The following AGTPBP1 variants were observed in gnomAD, a reference collection of about 807,000 sequenced individuals.
The protein encoded by AGTPBP1 is ATP/GTP binding carboxypeptidase 1, also known as cytosolic carboxypeptidase 1.
In AGTPBP1, 70 loss-of-function variants were observed where a neutral mutation model predicts 143.9. That is an observed-to-expected ratio of 0.49 (90% CI 0.40 to 0.59). The LOEUF (loss-of-function observed/expected upper bound fraction) is 0.59, where lower values mean the gene tolerates loss of function less well. Among genes scored for constraint, AGTPBP1 ranks in the 20% least tolerant of loss-of-function variants. AGTPBP1 has a pLI of 0.00. For synonymous variants in AGTPBP1, 463 were observed against 500.2 expected (o/e 0.93, Z 0.99); for missense variants, 1,229 against 1,464.5 (o/e 0.84, Z 2.62).
intron 3 of AGTPBP1, 80 bp downstream of exon 3, chr9:85,692,609 T>G (rs1835953076): frequency 6.5e-7 from 1 of 1,530,264 alleles, no homozygotes; most frequent in African/African-American, 1.4e-5. Context: ...CATCCATTAT[T>G]AGAAGTTTGA....
At chr9:85,748,890 T>C in the AGTPBP1 span, among the ~76,000 whole-genome samples, 3 of 151,982 alleles carry the variant, frequency 2.0e-5, no homozygotes, top group African/African-American at 7.3e-5. Context: ...TAGCACTCTT[T>C]AAATCCATGC....
Position 85,632,646 on chromosome 9 carries a change from G to A in AGTPBP1, c.2015+16C>T. 6.4e-7 allele frequency: 1 copy of A among 1,553,810 alleles called. No individual in the cohort carries two copies. The highest frequency in any genetic ancestry group is 8.7e-7 in the Non-Finnish European group (1 of 1,150,284). On this transcript the variant is annotated intron_variant, in intron 14 of 25. Coordinates refer to ENST00000357081, the MANE Select transcript of AGTPBP1 (RefSeq NM_001330701.2). ...CAATAGCCTTATTTAGAAGAGGGAA[G>A]AAATATGCAACTCACCTTTGTACAC...
intron 11 of AGTPBP1, among the ~76,000 whole-genome samples, chr9:85,650,042 CTT>C (rs35903806): frequency 0.023 from 2,467 of 109,142 alleles, 21 homozygotes; most frequent in Middle Eastern, 0.098. Flanking sequence ...CTAAACTTTC[CTT>C]TTTTTTTTTT....
intron 11 of AGTPBP1, among the ~76,000 whole-genome samples, chr9:85,647,211 A>C (rs549148975): frequency 6.6e-6 from 1 of 152,188 alleles, no homozygotes; most frequent in Non-Finnish European, 1.5e-5. Flanking sequence ...TGGGAGGCGG[A>C]GGTTGCGGTG....
At chr9:85,584,725 C>T (rs1182153092) in intron 23 of AGTPBP1, among the ~76,000 whole-genome samples, 2 of 152,046 alleles carry the variant, frequency 1.3e-5, no homozygotes, top group East Asian at 3.9e-4. Flanking sequence ...CAACTGGGGG[C>T]AGGAAGGTAT....
At chr9:85,547,333 G>A (rs901513383) in intron 25 of AGTPBP1, 47 bp from the exon 26 acceptor site, 1 of 1,461,572 alleles carries the variant, frequency 6.8e-7, no homozygotes, top group Non-Finnish European at 9.1e-7. Context: ...GAGGTCTTAA[G>A]GTCCTAATAT....
chr9:85,574,669 T>C (rs886224830), intron 25 of AGTPBP1, among the ~76,000 whole-genome samples: 1 of 151,934 alleles, frequency 6.6e-6, no homozygotes, highest in Non-Finnish European at 1.5e-5. Context: ...CTGATGTGTG[T>C]AGACATCAAC....
At chr9:85,685,537 G>C (rs1225516925) in intron 3 of AGTPBP1, among the ~76,000 whole-genome samples, 11 of 151,784 alleles carry the variant, frequency 7.2e-5, no homozygotes. Context: ...TCTATATCCA[G>C]TAAAAATATC....
intron 9 of AGTPBP1, among the ~76,000 whole-genome samples, chr9:85,660,729 CTAAA>C (rs1833806114): frequency 6.6e-6 from 1 of 151,886 alleles, no homozygotes; most frequent in African/African-American, 2.4e-5. Flanking sequence ...TATAAATGTA[CTAAA>C]TAAATTATAG....
the AGTPBP1 span, among the ~76,000 whole-genome samples, chr9:85,748,242 A>G: frequency 5.9e-5 from 9 of 152,026 alleles, no homozygotes; most frequent in African/African-American, 2.2e-4. Flanking sequence ...GTCTTGAAGT[A>G]TTTTCCCCTT....
the AGTPBP1 span, among the ~76,000 whole-genome samples, chr9:85,789,819 A>G: frequency 6.6e-6 from 1 of 152,210 alleles, no homozygotes; most frequent in Non-Finnish European, 1.5e-5. Context: ...AAAAAAATGA[A>G]AGTCTTATAT....
intron 3 of AGTPBP1, among the ~76,000 whole-genome samples, chr9:85,690,629 C>T (rs182277230): frequency 1.1e-4 from 15 of 132,364 alleles, no homozygotes; most frequent in Admixed American, 5.5e-4. Context: ...TCTCTGACAG[C>T]GGTAGGGTCA....
intron 1 of AGTPBP1, among the ~76,000 whole-genome samples, chr9:85,723,644 G>A (rs1838278337): frequency 6.6e-6 from 1 of 152,208 alleles, no homozygotes; most frequent in Admixed American, 6.5e-5. Context: ...GACCCCTTGC[G>A]CTTCCCAGGT....
At chr9:85,553,143 C>T (rs1329276916) in intron 25 of AGTPBP1, among the ~76,000 whole-genome samples, 1 of 152,110 alleles carries the variant, frequency 6.6e-6, no homozygotes, top group East Asian at 1.9e-4. Flanking sequence ...TTCTGTCAGG[C>T]TTAAATGGCT....
At chr9:85,711,806 A>T (rs758453029) in intron 2 of AGTPBP1, among the ~76,000 whole-genome samples, 1 of 152,180 alleles carries the variant, frequency 6.6e-6, no homozygotes, top group Non-Finnish European at 1.5e-5. Flanking sequence ...AGTCCCTGTC[A>T]TAACTACTCG....
At position 85,589,517 on chromosome 9, in the gene AGTPBP1, G is replaced by C; in HGVS notation, c.2722+11C>G. The C allele has an allele frequency of 6.3e-7, 1 of 1,596,724 alleles. No individual in the cohort carries two copies. The highest frequency in any genetic ancestry group is 8.5e-7 in the Non-Finnish European group (1 of 1,173,386). ...AATGACTGCTATTGTGAGTTGGGAAGACAAACTTACTGAAATGGCAGATAT... is the reference window on the plus strand; with the variant it reads ...AATGACTGCTATTGTGAGTTGGGAACACAAACTTACTGAAATGGCAGATAT... On this transcript the variant is annotated intron_variant, in intron 20 of 25. Transcript: ENST00000357081.
At chr9:85,701,512 G>A (rs1836659220) in intron 2 of AGTPBP1, among the ~76,000 whole-genome samples, 1 of 152,160 alleles carries the variant, frequency 6.6e-6, no homozygotes, top group South Asian at 2.1e-4. Context: ...TTACAGGCAT[G>A]AGCCACTGCA....
intron 1 of AGTPBP1, among the ~76,000 whole-genome samples, chr9:85,735,114 C>G (rs562836056): frequency 1.3e-5 from 2 of 152,296 alleles, no homozygotes; most frequent in East Asian, 3.9e-4. Context: ...CAGCATTATT[C>G]ACAAGCAACC....
At chr9:85,547,653 A>C (rs1331979501) in intron 25 of AGTPBP1, among the ~76,000 whole-genome samples, 1 of 152,212 alleles carries the variant, frequency 6.6e-6, no homozygotes, top group Admixed American at 6.5e-5. Flanking sequence ...AGGCAAATAT[A>C]ATTTCAATAG....
Sources: gnomAD v4.1 joint callset for allele counts (sites outside exome capture counted in the v4.1 genomes callset) on GRCh38, gnomAD v4.1.1 for gene constraint, MANE v1.5 for transcripts, NCBI Gene and HGNC (gene_info 2026-07-23, HGNC 2026-07-21) for gene names.